Variants in NUS1 observed in about 807,000 individuals in gnomAD.
NUS1 encodes NUS1 dehydrodolichyl diphosphate synthase subunit, also known as dehydrodolichyl diphosphate synthase complex subunit NUS1.
For synonymous variants in NUS1, 135 were observed against 155.2 expected (o/e 0.87, Z 0.97); for missense variants, 292 against 382.9 (o/e 0.76, Z 1.98).
At chr6:117,696,478 A>G (rs1169090433) in intron 3 of NUS1, among the ~76,000 whole-genome samples, 3 of 152,146 alleles carry the variant, frequency 2.0e-5, no homozygotes, top group Non-Finnish European at 4.4e-5. Context: ...TAATCAAACT[A>G]TGAAAGGTCA....
intron 1 of NUS1, among the ~76,000 whole-genome samples, chr6:117,685,843 C>T (rs1202464769): frequency 6.6e-6 from 1 of 151,952 alleles, no homozygotes; most frequent in Non-Finnish European, 1.5e-5. Flanking sequence ...TCCTTAAAAG[C>T]CTTTTTAAAA....
chr6:117,699,771 A>G (rs1029954281), intron 3 of NUS1, among the ~76,000 whole-genome samples: 1 of 152,180 alleles, frequency 6.6e-6, no homozygotes, highest in Non-Finnish European at 1.5e-5. Flanking sequence ...AGCTATACTT[A>G]TAGTTACCAA....
chr6:117,704,021 G>T (rs779520921), intron 4 of NUS1, among the ~76,000 whole-genome samples: 7 of 152,140 alleles, frequency 4.6e-5, no homozygotes, highest in Non-Finnish European at 1.0e-4. Context: ...AGGCGAGAAG[G>T]GGGGAAAAAG....
At chr6:117,683,331 A>G (rs780839037) in intron 1 of NUS1, among the ~76,000 whole-genome samples, 5 of 152,234 alleles carry the variant, frequency 3.3e-5, no homozygotes, top group Non-Finnish European at 4.4e-5. Flanking sequence ...CTCTCCTGAA[A>G]TAAAATAGCT....
chr6:117,684,653 G>C (rs993372195), intron 1 of NUS1, among the ~76,000 whole-genome samples: 4 of 152,136 alleles, frequency 2.6e-5, no homozygotes, highest in African/African-American at 7.2e-5. Flanking sequence ...GCCCCTTCAT[G>C]TTACGGCCAC....
At chr6:117,694,221 A>G (rs777962281) in intron 3 of NUS1, 41 bp downstream of exon 3, 10 of 1,173,404 alleles carry the variant, frequency 8.5e-6, no homozygotes, top group Non-Finnish European at 1.2e-5. Context: ...ATGTATATGT[A>G]TGTGTGTGTG....
rs73511214 is a variant in NUS1 at position 117,695,673 on chromosome 6, C to T, written c.691+1493C>T. ...TATTAATTTGACAGAGGCAAGCATT[C>T]TGAATACCATCACCATCAAAAGTTC... On this transcript the variant is annotated intron_variant, in intron 3 of 4. Coordinates refer to ENST00000368494, the MANE Select transcript of NUS1 (RefSeq NM_138459.5). Among the ~76,000 whole-genome samples, 1,356 of 152,274 alleles carry T rather than the reference C, an allele frequency of 8.9e-3. 20 individuals carry two copies. The highest frequency in any genetic ancestry group is 0.031 in the African/African-American group (1,289 of 41,556).
intron 3 of NUS1, among the ~76,000 whole-genome samples, chr6:117,696,705 A>G (rs1351259673): frequency 1.3e-5 from 2 of 152,156 alleles, no homozygotes; most frequent in Non-Finnish European, 2.9e-5. Flanking sequence ...AAGAAGAAAT[A>G]GACTTTCCCA....
chr6:117,692,819 TTAAG>T (rs1773260683), intron 1 of NUS1, among the ~76,000 whole-genome samples: 1 of 152,146 alleles, frequency 6.6e-6, no homozygotes, highest in Non-Finnish European at 1.5e-5. Flanking sequence ...ATGCCACTAC[TTAAG>T]TAGTTACCTC....
Position 117,696,374 on chromosome 6 carries a change from C to G in NUS1, c.691+2194C>G, listed in dbSNP as rs184293036. On this transcript the variant is annotated intron_variant, in intron 3 of 4. Coordinates refer to ENST00000368494, the MANE Select transcript of NUS1 (RefSeq NM_138459.5). The stretch of plus-strand genomic sequence containing the variant: ...AGTTTATTTAAACCTAGAGAACTTC[C>G]CAAACCTAGAGAAAAATATCAGCAT... Among the ~76,000 whole-genome samples the G allele has an allele frequency of 2.0e-5, 3 of 151,958 alleles. No individual in the cohort carries two copies. The East Asian group carries it at 5.8e-4, about 29-fold the overall frequency.
intron 1 of NUS1, among the ~76,000 whole-genome samples, chr6:117,692,173 T>C (rs1256439903): frequency 6.6e-6 from 1 of 152,080 alleles, no homozygotes; most frequent in Non-Finnish European, 1.5e-5. Flanking sequence ...CAGCTTTATA[T>C]GTATATATTT....
At chr6:117,701,839 C>T (rs1773415185) in intron 3 of NUS1, among the ~76,000 whole-genome samples, 1 of 151,490 alleles carries the variant, frequency 6.6e-6, no homozygotes, top group South Asian at 2.1e-4. Context: ...CCTGCTGTCT[C>T]TGCTCAGGTT....
rs534854509 is a variant in NUS1 at position 117,696,991 on chromosome 6, C to G, written c.691+2811C>G. On this transcript the variant is annotated intron_variant, in intron 3 of 4. Transcript: ENST00000368494. Reference sequence around the variant, plus strand: ...CAGTACAATAAGATACAAATAAAAACAACAGAAAGTTTTAAAATGGGGAGA... The same window carrying G: ...CAGTACAATAAGATACAAATAAAAAGAACAGAAAGTTTTAAAATGGGGAGA... Among the ~76,000 whole-genome samples the G allele has an allele frequency of 5.9e-5, 9 of 151,962 alleles. No individual in the cohort carries two copies. The South Asian group carries it at 1.9e-3, about 32-fold the overall frequency.
In NUS1 at chr6:117,710,652, G is replaced by A. The variant is rs1454293291; in HGVS notation, c.*3637G>A. 6.6e-6 allele frequency: 1 copy of A among 152,042 alleles called. No homozygotes were observed. Among genetic ancestry groups the A allele is most frequent in the Non-Finnish European group, 1.5e-5 (1 of 67,980 alleles). The allele number at this position is 152,042 out of a possible 1,614,324, so 9.4% of individuals were successfully genotyped here. ...CTATAAACTAGAAATTGAGAGTCTT[G>A]CATTCTCTTTTGTATTTGATTATTG... On this transcript the variant is annotated 3_prime_UTR_variant, in exon 5 of 5. Coordinates refer to ENST00000368494, the MANE Select transcript of NUS1 (RefSeq NM_138459.5).
Position 117,683,758 on chromosome 6 carries a change from A to G in NUS1, c.415+7673A>G, listed in dbSNP as rs527414088. ...AATTCCAGTTTCAGATTTAAAAGAG[A>G]TAGTAAATGTATTTTAAAAGTCTCA... is the stretch of plus-strand genomic sequence containing the variant. On this transcript the variant is annotated intron_variant, in intron 1 of 4. Transcript: ENST00000368494. Among the ~76,000 whole-genome samples the G allele has an allele frequency of 3.3e-5, 5 of 152,336 alleles. No homozygotes were observed. In the South Asian group the frequency reaches 1.0e-3, roughly 32 times the overall value.
intron 3 of NUS1, among the ~76,000 whole-genome samples, chr6:117,695,240 C>G (rs936325461): frequency 4.3e-5 from 6 of 140,550 alleles, no homozygotes; most frequent in African/African-American, 1.6e-4. Flanking sequence ...AATGCATTTT[C>G]TATCTTAACT....
intron 1 of NUS1, 68 bp from the exon 2 acceptor site, chr6:117,692,974 A>G (rs1773262817): frequency 7.7e-7 from 1 of 1,302,690 alleles, no homozygotes; most frequent in Non-Finnish European, 1.1e-6. Context: ...TTGTTTTCAT[A>G]GCAAGCATTC....
At chr6:117,689,123 T>C (rs1309145763) in intron 1 of NUS1, among the ~76,000 whole-genome samples, 2 of 152,104 alleles carry the variant, frequency 1.3e-5, no homozygotes, top group Admixed American at 6.5e-5. Context: ...AAGAGAACAT[T>C]GAGACAAGTT....
intron 1 of NUS1, among the ~76,000 whole-genome samples, chr6:117,678,936 C>T (rs1397083001): frequency 6.6e-6 from 1 of 152,170 alleles, no homozygotes; most frequent in Non-Finnish European, 1.5e-5. Flanking sequence ...CCTGCCTCAG[C>T]CTCCCAAAGT....
Sources: gnomAD v4.1 joint callset for allele counts (sites outside exome capture counted in the v4.1 genomes callset) on GRCh38, gnomAD v4.1.1 for gene constraint, MANE v1.5 for transcripts, NCBI Gene and HGNC (gene_info 2026-07-23, HGNC 2026-07-21) for gene names.